The following SRGAP3 variants were observed in gnomAD, a reference collection of about 807,000 sequenced individuals.
The protein encoded by SRGAP3 is SLIT-ROBO Rho GTPase-activating protein 3.
A neutral mutation model predicts 121.1 loss-of-function variants in SRGAP3; 39 were observed. The observed-to-expected ratio is 0.32, with a 90% CI of 0.25 to 0.42. SRGAP3 has a LOEUF of 0.42. Ranked by LOEUF, SRGAP3 falls within the 10% of genes least tolerant of loss-of-function variation. The pLI is 1.00. For missense variants in SRGAP3, 1,213 were observed against 1,470.6 expected (o/e 0.82, Z 2.86); for synonymous variants, 601 against 570.0 (o/e 1.05, Z -0.77).
intron 1 of SRGAP3, chr3:9,219,537 T>C (rs946377405): frequency 6.6e-6 from 1 of 152,194 alleles, no homozygotes; most frequent in African/African-American, 2.4e-5. Context: ...CAGAATGGAA[T>C]ACCATCCAAC....
chr3:9,229,486 A>G (rs901879969), intron 1 of SRGAP3, among the ~76,000 whole-genome samples: 7 of 152,268 alleles, frequency 4.6e-5, no homozygotes, highest in South Asian at 4.2e-4. Flanking sequence ...CCCTAGGCCA[A>G]AGGCGTTCTC....
chr3:8,985,504 G>A lies in SRGAP3; in HGVS notation c.*15C>T. 1.3e-6 allele frequency: 2 copies of A among 1,598,264 alleles called. No homozygotes were observed. The highest frequency in any genetic ancestry group is 1.3e-5 in the African/African-American group (1 of 74,974). On this transcript the variant is annotated 3_prime_UTR_variant, in exon 22 of 22. Coordinates refer to ENST00000383836, the MANE Select transcript of SRGAP3 (RefSeq NM_014850.4). This position sits in a 1 kb window ranked among gnomAD's most constrained non-coding sequence, Gnocchi z 5.1. ...GAGCCACAGCGGGCCACGGCGGCGCGGCCCATCCTGCAGGTCACATGGTGC... is the reference window on the plus strand; with the variant it reads ...GAGCCACAGCGGGCCACGGCGGCGCAGCCCATCCTGCAGGTCACATGGTGC...
intron 1 of SRGAP3, chr3:9,349,855 G>C (rs1304013996): frequency 6.6e-6 from 1 of 152,148 alleles, no homozygotes; most frequent in Admixed American, 6.5e-5. Flanking sequence ...GACCTCTGAG[G>C]GTTAGAAGTA....
chr3:9,010,837 C>T (rs1943332199), intron 17 of SRGAP3, among the ~76,000 whole-genome samples: 1 of 152,200 alleles, frequency 6.6e-6, no homozygotes, highest in Non-Finnish European at 1.5e-5. Flanking sequence ...ATGAAGCTAA[C>T]AAGGGCTGCC....
At chr3:9,095,870 C>A (rs1269263173) in intron 3 of SRGAP3, among the ~76,000 whole-genome samples, 2 of 152,022 alleles carry the variant, frequency 1.3e-5, no homozygotes, top group Non-Finnish European at 2.9e-5. Context: ...GAGTTCAAAA[C>A]CAGCCTGGGC....
chr3:9,014,002 G>T, intron 15 of SRGAP3, 160 bp from the exon 16 acceptor site: 1 of 713,074 alleles, frequency 1.4e-6, no homozygotes, highest in South Asian at 1.5e-5. Context: ...GCCAATCAGA[G>T]CATCCATCTC....
chr3:9,004,017 T>G (rs934419209), intron 18 of SRGAP3, among the ~76,000 whole-genome samples: 1 of 152,190 alleles, frequency 6.6e-6, no homozygotes, highest in Non-Finnish European at 1.5e-5. Context: ...AAAAACTATT[T>G]GACTGCATGA....
chr3:9,325,275 C>CA (rs1955499742), intron 3 of SRGAP3, among the ~76,000 whole-genome samples: 1 of 151,768 alleles, frequency 6.6e-6, no homozygotes, highest in Non-Finnish European at 1.5e-5. Flanking sequence ...GCTCCTTACC[C>CA]AGGGTCCCCA....
intron 14 of SRGAP3, among the ~76,000 whole-genome samples, chr3:9,023,951 T>C (rs1203495606): frequency 1.3e-5 from 2 of 152,168 alleles, no homozygotes; most frequent in Non-Finnish European, 2.9e-5. Flanking sequence ...GCCGTGGCAG[T>C]ACTGCTTGGG....
At chr3:9,164,276 T>TTTTTTTTATTTATTTA (rs1553683179) in intron 1 of SRGAP3, among the ~76,000 whole-genome samples, 5 of 140,772 alleles carry the variant, frequency 3.6e-5, no homozygotes, top group Admixed American at 7.2e-5. Context: ...ACCCAGACTA[T>TTTTTTTTATTTATTTA]TTTATTTATT....
intron 1 of SRGAP3, among the ~76,000 whole-genome samples, chr3:9,357,043 A>G (rs1441290755): frequency 6.6e-6 from 1 of 151,978 alleles, no homozygotes; most frequent in Non-Finnish European, 1.5e-5. Flanking sequence ...CAGGCAGATC[A>G]CTTGAGCTCA....
chr3:9,228,294 T>A (rs1025255128), intron 1 of SRGAP3, among the ~76,000 whole-genome samples: 2 of 152,170 alleles, frequency 1.3e-5, no homozygotes, highest in Admixed American at 6.5e-5. Flanking sequence ...AGGCACCCAG[T>A]GCCGCCAGAT....
chr3:9,157,389 C>G (rs367717295), intron 1 of SRGAP3, among the ~76,000 whole-genome samples: 24 of 152,328 alleles, frequency 1.6e-4, no homozygotes, highest in Admixed American at 1.0e-3. Flanking sequence ...CCCTCCAACA[C>G]TGGGAATTAC....
chr3:9,207,723 C>A (rs1301014847), intron 1 of SRGAP3, among the ~76,000 whole-genome samples: 1 of 152,108 alleles, frequency 6.6e-6, no homozygotes, highest in Non-Finnish European at 1.5e-5. Context: ...GGTAGCCGGG[C>A]CTTTGGGAAG....
intron 3 of SRGAP3, among the ~76,000 whole-genome samples, chr3:9,290,194 A>AT (rs1954848379): frequency 1.3e-5 from 2 of 152,078 alleles, no homozygotes; most frequent in Admixed American, 6.5e-5. Context: ...ACCTTTCTTC[A>AT]TTTTTGGCCT....
In SRGAP3 at chr3:9,124,837, G is replaced by T; in HGVS notation, c.148C>A (p.Gln50Lys). Reference protein sequence around the residue: ...ESRLQLLQDLQEFFRRKAEIE... With the variant: ...ESRLQLLQDLKEFFRRKAEIE... ...TCAGCTTTCCGGCGGAAAAACTCCT[G>T]GAGGTCTTGAAGCAGCTGCAGTCGC... Residue 50 changes from glutamine (Q) to lysine (K), a missense_variant, in exon 2 of 22, where the codon CAG (glutamine) becomes AAG (lysine). By Grantham distance (53) the Gln-to-Lys change is moderately conservative (BLOSUM62 1). Around this residue, in one of 2 missense-constraint regions of SRGAP3, gnomAD observed 793 missense variants for 1,032.9 expected, o/e 0.77. Coordinates refer to ENST00000383836, the MANE Select transcript of SRGAP3 (RefSeq NM_014850.4). 1 of 1,614,238 alleles carries T rather than the reference G, an allele frequency of 6.2e-7. No individual in the cohort carries two copies. The highest frequency in any genetic ancestry group is 8.5e-7 in the Non-Finnish European group (1 of 1,180,044).
chr3:9,199,233 C>T lies in SRGAP3; in HGVS notation c.67+49652G>A, dbSNP rs571844293. Among the ~76,000 whole-genome samples the T allele has an allele frequency of 6.6e-5, 10 of 152,326 alleles. No homozygotes were observed. The South Asian group carries it at 1.7e-3, about 25-fold the overall frequency. On this transcript the variant is annotated intron_variant, in intron 1 of 21. Coordinates refer to ENST00000383836, the MANE Select transcript of SRGAP3 (RefSeq NM_014850.4). The stretch of plus-strand genomic sequence containing the variant: ...TCATCTGCATCAGAGCACACTCCCG[C>T]GACTCACTCACACGCGCTACCTCTC...
intron 3 of SRGAP3, among the ~76,000 whole-genome samples, chr3:9,285,490 A>G (rs562240523): frequency 6.6e-6 from 1 of 152,286 alleles, no homozygotes; most frequent in East Asian, 1.9e-4. Flanking sequence ...GGAGGAAAAA[A>G]AATGTCCTCA....
intron 9 of SRGAP3, among the ~76,000 whole-genome samples, chr3:9,051,149 C>G (rs917589613): frequency 6.6e-6 from 1 of 150,528 alleles, no homozygotes; most frequent in Non-Finnish European, 1.5e-5. Context: ...ACCTCACCCT[C>G]CTGAATAGCT....
Sources: gnomAD v4.1 joint callset for allele counts (sites outside exome capture counted in the v4.1 genomes callset) on GRCh38, gnomAD v4.1.1 for gene constraint, gnomAD v4.1.1 regional missense constraint, Gnocchi (gnomAD v3.1) non-coding constraint, MANE v1.5 for transcripts, NCBI Gene and HGNC (gene_info 2026-07-23, HGNC 2026-07-21) for gene names.